The following VGLL4 variants were observed in gnomAD, a reference collection of about 807,000 sequenced individuals.
The protein encoded by VGLL4 is vestigial like family member 4.
VGLL4 carries 7 observed loss-of-function variants against 21.0 expected under a neutral mutation model. The ratio of observed to expected loss-of-function variants is 0.33; its 90% confidence interval spans 0.19 to 0.63. VGLL4 has a LOEUF of 0.63. Ranked by LOEUF, VGLL4 falls within the 20% of genes least tolerant of loss-of-function variation. The pLI is 0.78. For missense variants in VGLL4, 394 were observed against 425.7 expected (o/e 0.93, Z 0.66); for synonymous variants, 222 against 173.2 (o/e 1.28, Z -2.21).
At chr3:11,561,891 CTTTTTTTTTTTTT>C (rs35380668) in intron 3 of VGLL4, among the ~76,000 whole-genome samples, 3 of 88,590 alleles carry the variant, frequency 3.4e-5, no homozygotes, top group Admixed American at 1.4e-4. Flanking sequence ...CTGCGCCAAA[CTTTTTTTTTTTTT>C]TTTTTTTTTT....
intron 2 of VGLL4, among the ~76,000 whole-genome samples, chr3:11,664,994 T>C (rs1188723591): frequency 6.6e-6 from 1 of 151,858 alleles, no homozygotes; most frequent in African/African-American, 2.4e-5. Context: ...CAGCAACTAC[T>C]AGAGATTGTC....
intron 2 of VGLL4, among the ~76,000 whole-genome samples, chr3:11,585,189 A>C (rs952769368): frequency 3.3e-5 from 5 of 152,158 alleles, no homozygotes; most frequent in African/African-American, 9.7e-5. Flanking sequence ...TTATCCTAGC[A>C]CTTTGGGAGG....
rs572083997 is a variant in VGLL4, at chr3:11,635,410, G to A, written c.82+8027C>T. ...AGAACAATCTGCCTTCATTTCCCCT[G>A]AAGGAAGGAACATGAATGGTGATGA... On this transcript the variant is annotated intron_variant, in intron 1 of 4. Coordinates refer to ENST00000430365, the MANE Select transcript of VGLL4 (RefSeq NM_001128219.3). Among the ~76,000 whole-genome samples, 9 of 152,342 alleles carry A rather than the reference G, an allele frequency of 5.9e-5. No individual in the cohort carries two copies. In the South Asian group the frequency reaches 1.9e-3, roughly 32 times the overall value.
chr3:11,679,413 G>A (rs569857046), intron 2 of VGLL4, among the ~76,000 whole-genome samples: 81 of 152,170 alleles, frequency 5.3e-4, no homozygotes, highest in Admixed American at 7.9e-4. Context: ...AGCTGGGCGC[G>A]GTAGCTCACG....
At chr3:11,587,071 T>C (rs2074377789) in intron 2 of VGLL4, among the ~76,000 whole-genome samples, 1 of 152,254 alleles carries the variant, frequency 6.6e-6, no homozygotes, top group Non-Finnish European at 1.5e-5. Flanking sequence ...AATTAAACCA[T>C]GGCTAGTGGC....
At chr3:11,665,259 G>A (rs1354708298) in intron 2 of VGLL4, among the ~76,000 whole-genome samples, 1 of 150,782 alleles carries the variant, frequency 6.6e-6, no homozygotes, top group African/African-American at 2.4e-5. Context: ...GACTACAGGC[G>A]CCTGCCACCA....
chr3:11,590,663 AGTGTGTGTGTGTGTGTGT>A lies in VGLL4; in HGVS notation c.272+11152_272+11169del, dbSNP rs10592668. ...TCTGTGAAGAAATTTCAAAATGAAG[AGTGTGTGTGTGTGTGTGT>A]GTGTGTGTGTGTGTGTGTGTGTGTG... On this transcript the variant is annotated intron_variant, in intron 2 of 4. Transcript: ENST00000430365. 4.5e-4 allele frequency among the ~76,000 whole-genome samples: 67 copies of A among 147,378 alleles called. No individual in the cohort carries two copies. In the South Asian group the frequency reaches 9.6e-3, roughly 21 times the overall value.
intron 2 of VGLL4, among the ~76,000 whole-genome samples, chr3:11,566,929 A>G (rs926106495): frequency 2.1e-4 from 32 of 152,180 alleles, no homozygotes; most frequent in African/African-American, 7.5e-4. Context: ...CGTGTAAGAA[A>G]GGCAGGTATC....
At chr3:11,574,578 A>AC (rs1185472904) in intron 2 of VGLL4, among the ~76,000 whole-genome samples, 1 of 152,190 alleles carries the variant, frequency 6.6e-6, no homozygotes, top group Non-Finnish European at 1.5e-5. Context: ...CACTATGGTC[A>AC]CCTAGACCAC....
Position 11,636,475 on chromosome 3 carries a change from A to C in VGLL4, c.82+6962T>G, listed in dbSNP as rs566564236. Among the ~76,000 whole-genome samples the C allele has an allele frequency of 2.4e-4, 37 of 152,350 alleles. 1 individual carries two copies. The highest frequency in any genetic ancestry group is 8.7e-4 in the African/African-American group (36 of 41,580). On this transcript the variant is annotated intron_variant, in intron 1 of 4. Coordinates refer to ENST00000430365, the MANE Select transcript of VGLL4 (RefSeq NM_001128219.3). ...TGTTTTAGAAACGTGCTGCTCTCTA[A>C]CAGCCATCTCTATACAATATAGGGT...
At chr3:11,618,078 A>T (rs1003451198) in intron 1 of VGLL4, among the ~76,000 whole-genome samples, 2 of 152,246 alleles carry the variant, frequency 1.3e-5, no homozygotes, top group African/African-American at 4.8e-5. Flanking sequence ...CAAACAAATC[A>T]AATAATAATG....
chr3:11,583,008 G>C (rs2074273196), intron 2 of VGLL4, among the ~76,000 whole-genome samples: 1 of 152,222 alleles, frequency 6.6e-6, no homozygotes, highest in African/African-American at 2.4e-5. Context: ...GTGGGTGCAA[G>C]AAGTTGCTAA....
chr3:11,611,425 G>C (rs1368054962), intron 1 of VGLL4, among the ~76,000 whole-genome samples: 7 of 152,172 alleles, frequency 4.6e-5, no homozygotes, highest in Admixed American at 4.6e-4. Flanking sequence ...GGAGAAATAA[G>C]CCCGCTGAGT....
intron 1 of VGLL4, among the ~76,000 whole-genome samples, chr3:11,635,931 A>G (rs1159783478): frequency 1.3e-5 from 2 of 152,246 alleles, no homozygotes; most frequent in African/African-American, 4.8e-5. Context: ...AGAAGAGGTC[A>G]TAACTTTTCA....
chr3:11,702,179 T>A (rs1466486197), intron 2 of VGLL4, among the ~76,000 whole-genome samples: 1 of 152,174 alleles, frequency 6.6e-6, no homozygotes. Context: ...GCTGGTCAAT[T>A]AGTCTATCAA....
intron 2 of VGLL4, among the ~76,000 whole-genome samples, chr3:11,672,912 C>CT (rs1172229299): frequency 6.6e-6 from 1 of 152,114 alleles, no homozygotes; most frequent in African/African-American, 2.4e-5. Flanking sequence ...ACTGAACTCT[C>CT]TATCATATTT....
intron 1 of VGLL4, among the ~76,000 whole-genome samples, chr3:11,616,779 G>A (rs1283074942): frequency 6.6e-6 from 1 of 152,224 alleles, no homozygotes; most frequent in Non-Finnish European, 1.5e-5. Context: ...CAGGAACTAA[G>A]GAAAACACAC....
intron 1 of VGLL4, among the ~76,000 whole-genome samples, chr3:11,622,657 G>C (rs1029893625): frequency 3.9e-5 from 6 of 152,232 alleles, no homozygotes; most frequent in African/African-American, 1.4e-4. Flanking sequence ...CAAATTAAAT[G>C]GATGAGTGGT....
chr3:11,621,734 C>T (rs2075270252), intron 1 of VGLL4, among the ~76,000 whole-genome samples: 1 of 152,202 alleles, frequency 6.6e-6, no homozygotes. Flanking sequence ...TTTCGAGCAA[C>T]TGCAAAACTG....
Sources: gnomAD v4.1 joint callset for allele counts (sites outside exome capture counted in the v4.1 genomes callset) on GRCh38, gnomAD v4.1.1 for gene constraint, MANE v1.5 for transcripts, NCBI Gene and HGNC (gene_info 2026-07-23, HGNC 2026-07-21) for gene names.